Variants in NUMA1 observed in about 807,000 individuals in gnomAD.
NUMA1 encodes SP-H antigen.
NUMA1 carries 62 observed loss-of-function variants against 237.1 expected under a neutral mutation model. The ratio of observed to expected loss-of-function variants is 0.26; its 90% CI spans 0.21 to 0.32. NUMA1 has a LOEUF of 0.32. NUMA1 is among the 10% of genes least tolerant of loss of function. The pLI is 1.00. For synonymous variants in NUMA1, 1,028 were observed against 1,066.1 expected, an observed-to-expected ratio of 0.96 and a Z score of 0.70; for missense variants, 2,533 against 2,666.5, an observed-to-expected ratio of 0.95 and a Z score of 1.10.
intron 17 of NUMA1, among the ~76,000 whole-genome samples, chr11:72,009,937 A>G (rs778506525): frequency 6.6e-6 from 1 of 152,214 alleles, no homozygotes; most frequent in Non-Finnish European, 1.5e-5. Flanking sequence ...CTTATTTATG[A>G]TGCCCACACT....
chr11:72,016,581 T>C (rs910515718), intron 13 of NUMA1, 51 bp from the exon 14 acceptor site: 1 of 1,595,304 alleles, frequency 6.3e-7, no homozygotes, highest in Non-Finnish European at 8.6e-7. Flanking sequence ...AGGCACCAGA[T>C]TACCACACAA....
chr11:72,060,986 T>C lies in NUMA1; in HGVS notation c.-33+8856A>G, dbSNP rs535318163. Among the ~76,000 whole-genome samples, 137 of 152,292 alleles carry C rather than the reference T, an allele frequency of 9.0e-4. 1 individual carries two copies. Among genetic ancestry groups the C allele is most frequent in the African/African-American group, 3.2e-3 (134 of 41,570 alleles). Reference sequence around the variant, plus strand: ...TCAGGAGGCTGAGGCAGGAGATCACTTGAACCAAGGAGTTGGAGGCTGCAG... The same window carrying C: ...TCAGGAGGCTGAGGCAGGAGATCACCTGAACCAAGGAGTTGGAGGCTGCAG... On this transcript the variant is annotated intron_variant, in intron 2 of 26. Coordinates refer to ENST00000393695, the MANE Select transcript of NUMA1 (RefSeq NM_006185.4).
chr11:72,073,036 G>A (rs1395396058), intron 1 of NUMA1, among the ~76,000 whole-genome samples: 3 of 38,908 alleles, frequency 7.7e-5, no homozygotes, highest in African/African-American at 1.1e-4. Context: ...GACACAGAGC[G>A]AGACTCCGTC....
chr11:72,048,532 G>T (rs941305419), intron 2 of NUMA1, among the ~76,000 whole-genome samples: 1 of 151,888 alleles, frequency 6.6e-6, no homozygotes, highest in Non-Finnish European at 1.5e-5. Flanking sequence ...CCAACATGCC[G>T]GTCTAATTTT....
intron 2 of NUMA1, among the ~76,000 whole-genome samples, chr11:72,040,044 G>A (rs1005302988): frequency 3.9e-5 from 6 of 152,174 alleles, no homozygotes; most frequent in Non-Finnish European, 8.8e-5. Context: ...AGGACCAGTG[G>A]CTCCAAGAGA....
intron 12 of NUMA1, 78 bp from the exon 13 acceptor site, chr11:72,017,905 A>C: frequency 6.6e-7 from 1 of 1,511,834 alleles, no homozygotes. Context: ...CCAGAACCCC[A>C]GGGGCTGGAT....
At chr11:72,017,333 T>TA in intron 13 of NUMA1, 1 of 342,920 alleles carries the variant, frequency 2.9e-6, no homozygotes, top group Non-Finnish European at 5.7e-6. Flanking sequence ...GTGCTTTACA[T>TA]ACGTTTTCTC....
Position 72,016,087 on chromosome 11 carries a change from C to T in NUMA1, c.1416G>A (p.Gln472=). The change falls in exon 15 of 27, where the codon CAG becomes CAA. Residue 472 remains glutamine (Q), a synonymous_variant. Coordinates refer to ENST00000393695, the MANE Select transcript of NUMA1 (RefSeq NM_006185.4). ...QQLSSLITDL[Q]SSISNLSQAK... ...CCTGGCTGAGGTTGGAGATGGAGCT[C>T]TGCAGGTCAGTGATCAGGCTAGACA... is the stretch of plus-strand genomic sequence containing the variant. The T allele has an allele frequency of 6.2e-7, 1 of 1,614,166 alleles. No homozygotes were observed. Among genetic ancestry groups the T allele is most frequent in the African/African-American group, 1.3e-5 (1 of 75,072 alleles).
intron 2 of NUMA1, chr11:72,049,612 ATT>A (rs1360775605): frequency 1.0e-4 from 8 of 77,888 alleles, no homozygotes; most frequent in African/African-American, 3.4e-4. Flanking sequence ...ATATATATAT[ATT>A]TGCCTATTCA....
rs778111449 is a variant in NUMA1, at chr11:72,018,440, T to A, written c.816A>T (p.Pro272=). ...ALLNEKQAAS[P]LEPKELEELR... is the part of the protein sequence containing the mutation. Reference sequence around the variant, plus strand: ...GCTCCTCAAGCTCCTTGGGCTCCAGTGGGCTGGCCGCCTGCTTCTCATTCA... The same window carrying A: ...GCTCCTCAAGCTCCTTGGGCTCCAGAGGGCTGGCCGCCTGCTTCTCATTCA... The change falls in exon 11 of 27, where the codon CCA becomes CCT. Residue 272 remains proline (P), a synonymous_variant. Transcript: ENST00000393695. 2 of 1,614,106 alleles carry A rather than the reference T, an allele frequency of 1.2e-6. No individual in the cohort carries two copies. The highest frequency in any genetic ancestry group is 1.1e-5 in the South Asian group (1 of 91,084).
intron 24 of NUMA1, 73 bp downstream of exon 24, chr11:72,004,567 C>T (rs1955545268): frequency 1.7e-5 from 25 of 1,475,610 alleles, no homozygotes; most frequent in Non-Finnish European, 2.3e-5. Context: ...GAGAAGGCTC[C>T]CTTTAGTCCT....
At chr11:72,007,487 T>C in intron 20 of NUMA1, 52 bp from the exon 21 acceptor site, 1 of 1,597,966 alleles carries the variant, frequency 6.3e-7, no homozygotes. Flanking sequence ...GAAGGCATTT[T>C]GTCCAGCCCT....
chr11:72,010,519 A>T (rs1956077952), intron 17 of NUMA1, among the ~76,000 whole-genome samples: 1 of 152,218 alleles, frequency 6.6e-6, no homozygotes, highest in Non-Finnish European at 1.5e-5. Flanking sequence ...GAAGAACTGG[A>T]TTTACTTTAA....
rs200848792 is a variant in NUMA1, at chr11:72,029,331, C to A, written c.43-41G>T. ...AACAGCCTAGTGAGACCGTTAGAAGCAACATGGTTTGCTCCTTTTCCCAGA... is the reference window on the plus strand; with the variant it reads ...AACAGCCTAGTGAGACCGTTAGAAGAAACATGGTTTGCTCCTTTTCCCAGA... On this transcript the variant is annotated intron_variant, in intron 3 of 26. Coordinates refer to ENST00000393695, the MANE Select transcript of NUMA1 (RefSeq NM_006185.4). 2.0e-3 allele frequency: 2,148 copies of A among 1,071,434 alleles called. 35 individuals are homozygous for A. In the African/African-American group the frequency reaches 0.04, roughly 20 times the overall value. The allele number at this position is 1,071,434 out of a possible 1,614,324, so 66.4% of individuals were successfully genotyped here.
At chr11:72,035,150 T>C (rs977396956) in intron 3 of NUMA1, among the ~76,000 whole-genome samples, 1 of 151,400 alleles carries the variant, frequency 6.6e-6, no homozygotes, top group African/African-American at 2.4e-5. Context: ...AGCCACCACA[T>C]CCAGCCTCTC....
intron 20 of NUMA1, chr11:72,008,195 TCTTAA>T (rs747073029): frequency 1.2e-4 from 58 of 469,300 alleles, no homozygotes; most frequent in African/African-American, 3.8e-4. Context: ...ATTTTTCCAG[TCTTAA>T]CTTCTATACT....
chr11:72,007,881 C>G (rs147212340), intron 20 of NUMA1: 2 of 351,276 alleles, frequency 5.7e-6, no homozygotes, highest in Non-Finnish European at 1.1e-5. Flanking sequence ...CCACACCCCA[C>G]TCCATGCTCA....
chr11:72,047,420 T>A (rs1428141392), intron 2 of NUMA1, among the ~76,000 whole-genome samples: 12 of 151,974 alleles, frequency 7.9e-5, no homozygotes, highest in Admixed American at 7.9e-4. Flanking sequence ...TCCAGGAGTT[T>A]GAGGTTATAG....
chr11:72,006,546 A>G (rs552732710), intron 21 of NUMA1, among the ~76,000 whole-genome samples: 63 of 152,154 alleles, frequency 4.1e-4, no homozygotes, highest in Non-Finnish European at 8.1e-4. Context: ...CATTTTGGAG[A>G]TGAAGTGCAA....
Sources: allele counts gnomAD v4.1 joint callset (sites outside exome capture counted in the v4.1 genomes callset), GRCh38; gene constraint gnomAD v4.1.1; transcripts MANE v1.5; gene names NCBI Gene and HGNC (gene_info 2026-07-23, HGNC 2026-07-21).